WWOX: variants seen among roughly 807,000 people sequenced by gnomAD.
WWOX encodes WW domain containing oxidoreductase, also known as WW domain-containing oxidoreductase.
Under a neutral mutation model 46.2 loss-of-function variants are expected in WWOX, and 69 were observed. The ratio of observed to expected loss-of-function variants is 1.49; its 90% confidence interval spans 1.23 to 1.82. The LOEUF is 1.82. WWOX is among the 40% of genes most tolerant of loss of function. The probability of loss-of-function intolerance (pLI) is 0.00; values close to 1 mark genes in which losing one functional copy is unlikely to be tolerated. For synonymous variants in WWOX, 359 were observed against 202.6 expected (o/e 1.77, Z -6.56); for missense variants, 919 against 542.6 (o/e 1.69, Z -6.89).
intron 8 of WWOX, among the ~76,000 whole-genome samples, chr16:79,037,674 G>T (rs1051856305): frequency 2.0e-5 from 3 of 152,162 alleles, no homozygotes; most frequent in African/African-American, 7.2e-5. Context: ...GTTAGTGAAA[G>T]GTTATTAAAT....
chr16:78,717,381 C>T (rs1170410160), intron 8 of WWOX, among the ~76,000 whole-genome samples: 2 of 152,154 alleles, frequency 1.3e-5, no homozygotes, highest in African/African-American at 4.8e-5. Flanking sequence ...CTTAATATTA[C>T]ACTGTATATA....
At chr16:78,213,304 A>G (rs893677855) in intron 5 of WWOX, among the ~76,000 whole-genome samples, 3 of 150,878 alleles carry the variant, frequency 2.0e-5, no homozygotes, top group Non-Finnish European at 2.9e-5. Context: ...CCTCAGCACC[A>G]TCTCTTACAT....
chr16:78,348,563 T>A (rs1448265270), intron 5 of WWOX, among the ~76,000 whole-genome samples: 1 of 120,506 alleles, frequency 8.3e-6, no homozygotes, highest in Non-Finnish European at 2.0e-5. Context: ...GCTCAGGCAA[T>A]CCTCCTGCCT....
chr16:78,551,819 C>G (rs994508413), intron 8 of WWOX: 1 of 152,156 alleles, frequency 6.6e-6, no homozygotes, highest in Non-Finnish European at 1.5e-5. Context: ...ATTTTACGCT[C>G]GAGATCAAAA....
intron 8 of WWOX, among the ~76,000 whole-genome samples, chr16:79,027,771 T>C (rs76524437): frequency 0.031 from 4,702 of 151,878 alleles, 186 homozygotes; most frequent in African/African-American, 0.06. Flanking sequence ...TTTTTTGATA[T>C]AGATGTCTCT....
At chr16:78,759,338 G>C (rs889606156) in intron 8 of WWOX, among the ~76,000 whole-genome samples, 1 of 152,172 alleles carries the variant, frequency 6.6e-6, no homozygotes, top group Non-Finnish European at 1.5e-5. Context: ...GCCATAAAGA[G>C]CCAGGCAAGG....
At chr16:78,993,169 C>T (rs1168913723) in intron 8 of WWOX, among the ~76,000 whole-genome samples, 1 of 151,156 alleles carries the variant, frequency 6.6e-6, no homozygotes, top group Admixed American at 6.6e-5. Context: ...CAGAGAGATA[C>T]TGAGTTAACT....
chr16:78,776,648 C>T (rs1046068514), intron 8 of WWOX, among the ~76,000 whole-genome samples: 8 of 152,012 alleles, frequency 5.3e-5, no homozygotes, highest in African/African-American at 9.6e-5. Flanking sequence ...AAAAACTGCC[C>T]GAGATTGGGA....
At chr16:78,690,081 G>C (rs997654052) in intron 8 of WWOX, among the ~76,000 whole-genome samples, 33 of 152,002 alleles carry the variant, frequency 2.2e-4, no homozygotes, top group Non-Finnish European at 2.9e-5. Flanking sequence ...GGCTGGTCTC[G>C]ATCTCCTGAC....
chr16:78,491,456 T>C (rs1342260840), intron 8 of WWOX, among the ~76,000 whole-genome samples: 3 of 152,158 alleles, frequency 2.0e-5, no homozygotes, highest in African/African-American at 4.8e-5. Flanking sequence ...TGGTACTCGA[T>C]GTGTTGTTTT....
At chr16:78,148,890 T>C in intron 4 of WWOX, among the ~76,000 whole-genome samples, 1 of 79,998 alleles carries the variant, frequency 1.3e-5, no homozygotes. Context: ...AGAGCAAGAC[T>C]CCGTCTCAAA....
chr16:78,632,040 A>G (rs941767942), intron 8 of WWOX, among the ~76,000 whole-genome samples: 1 of 152,190 alleles, frequency 6.6e-6, no homozygotes, highest in Non-Finnish European at 1.5e-5. Flanking sequence ...TCTTAAAAAA[A>G]ATAAAAGTCT....
chr16:79,030,419 TC>T (rs2047729747), intron 8 of WWOX, among the ~76,000 whole-genome samples: 1 of 152,204 alleles, frequency 6.6e-6, no homozygotes, highest in African/African-American at 2.4e-5. Context: ...GGCCCTTTTT[TC>T]CCAAAGTGTT....
At chr16:78,236,161 T>C (rs1173530821) in intron 5 of WWOX, among the ~76,000 whole-genome samples, 1 of 152,236 alleles carries the variant, frequency 6.6e-6, no homozygotes, top group Non-Finnish European at 1.5e-5. Context: ...GGATGTCTCA[T>C]ATCTGAATCT....
chr16:78,325,938 G>C (rs2080602370), intron 5 of WWOX, among the ~76,000 whole-genome samples: 1 of 152,226 alleles, frequency 6.6e-6, no homozygotes, highest in Non-Finnish European at 1.5e-5. Flanking sequence ...CCTGTGCCTG[G>C]TGCTCAGCAC....
chr16:78,607,638 G>C (rs1597340301), intron 8 of WWOX, among the ~76,000 whole-genome samples: 1 of 105,042 alleles, frequency 9.5e-6, no homozygotes, highest in Non-Finnish European at 2.1e-5. Flanking sequence ...TGACTCATTT[G>C]TTCTTCTTTT....
intron 8 of WWOX, among the ~76,000 whole-genome samples, chr16:78,971,331 T>C (rs1048899697): frequency 2.6e-5 from 4 of 151,432 alleles, no homozygotes; most frequent in African/African-American, 9.7e-5. Flanking sequence ...GGCAGGCACT[T>C]GTAATCCCAG....
intron 8 of WWOX, among the ~76,000 whole-genome samples, chr16:78,776,150 C>G (rs936717854): frequency 5.9e-5 from 9 of 152,012 alleles, no homozygotes; most frequent in African/African-American, 2.2e-4. Flanking sequence ...ATGGCTTGGG[C>G]TAAAAAAATG....
At chr16:78,564,098 C>G (rs1161190789) in intron 8 of WWOX, among the ~76,000 whole-genome samples, 1 of 152,232 alleles carries the variant, frequency 6.6e-6, no homozygotes, top group Non-Finnish European at 1.5e-5. Context: ...AGCCAACCTA[C>G]AGACGCAACT....
Sources: gnomAD v4.1 joint callset for allele counts (sites outside exome capture counted in the v4.1 genomes callset) on GRCh38, gnomAD v4.1.1 for gene constraint, MANE v1.5 for transcripts, NCBI Gene and HGNC (gene_info 2026-07-23, HGNC 2026-07-21) for gene names.